SENP5: variants seen among roughly 807,000 people sequenced by gnomAD.
The protein encoded by SENP5 is SUMO specific peptidase 5, also known as sentrin-specific protease 5.
In SENP5, 21 loss-of-function variants were observed where a neutral mutation model predicts 74.2. That is an observed-to-expected ratio of 0.28 (90% CI 0.20 to 0.41). SENP5 has a LOEUF of 0.41. Among genes scored for constraint, SENP5 ranks in the 10% least tolerant of loss-of-function variants. SENP5 has a pLI of 1.00. For synonymous variants in SENP5, 311 were observed against 312.7 expected (o/e 0.99, Z 0.06); for missense variants, 717 against 889.1 (o/e 0.81, Z 2.46).
chr3:196,910,277 C>CATCCTCG (rs1715066912), intron 6 of SENP5, among the ~76,000 whole-genome samples: 1 of 150,682 alleles, frequency 6.6e-6, no homozygotes, highest in Non-Finnish European at 1.5e-5. Flanking sequence ...AAAAATATTC[C>CATCCTCG]ATCCTCGTGG....
chr3:196,892,761 T>C (rs1415257676), intron 2 of SENP5, among the ~76,000 whole-genome samples: 1 of 152,040 alleles, frequency 6.6e-6, no homozygotes, highest in Non-Finnish European at 1.5e-5. Context: ...ATTCTCTACG[T>C]CTATGAGTTT....
intron 7 of SENP5, among the ~76,000 whole-genome samples, chr3:196,927,265 T>C (rs1177223779): frequency 6.6e-6 from 1 of 152,238 alleles, no homozygotes; most frequent in African/African-American, 2.4e-5. Context: ...CTTTCCTCTG[T>C]TGAGCATGGG....
At chr3:196,917,989 T>A (rs985442831) in intron 6 of SENP5, among the ~76,000 whole-genome samples, 1 of 152,112 alleles carries the variant, frequency 6.6e-6, no homozygotes, top group African/African-American at 2.4e-5. Flanking sequence ...ATAATTACAA[T>A]TTTTTAAGCG....
chr3:196,901,141 G>A (rs1714686734), intron 5 of SENP5, among the ~76,000 whole-genome samples: 1 of 150,554 alleles, frequency 6.6e-6, no homozygotes, highest in African/African-American at 2.4e-5. Flanking sequence ...CACCTCCTGG[G>A]TTCAAGCAAT....
At position 196,885,838 on chromosome 3, in the gene SENP5, T is replaced by G. The variant is rs1713939454; in HGVS notation, c.657T>G (p.Leu219=). The G allele has an allele frequency of 6.2e-7, 1 of 1,614,178 alleles. No individual in the cohort carries two copies. The highest frequency in any genetic ancestry group is 8.5e-7 in the Non-Finnish European group (1 of 1,180,018). Residue 219 remains leucine, a synonymous_variant, in exon 2 of 10, where the codon CTT becomes CTG. Transcript: ENST00000323460. ...CCTTGATTCCAAAAAAGTTCCAACT[T>G]AACCAACATAGAAGGATAAAATTAT... ...GGPLIPKKFQ[L]NQHRRIKLSP... is the part of the protein sequence containing the mutation.
intron 2 of SENP5, among the ~76,000 whole-genome samples, chr3:196,898,820 A>G (rs12487121): frequency 6.6e-6 from 1 of 152,188 alleles, no homozygotes; most frequent in South Asian, 2.1e-4. Flanking sequence ...AGACCATTCG[A>G]TGATTGCATT....
chr3:196,903,595 A>T lies in SENP5; in HGVS notation c.1869A>T (p.Lys623Asn). 6.3e-7 allele frequency: 1 copy of T among 1,594,660 alleles called. No homozygotes were observed. Among genetic ancestry groups the T allele is most frequent in the Non-Finnish European group, 8.5e-7 (1 of 1,171,030 alleles). The change falls in exon 6 of 10, where the codon AAA becomes AAT. Residue 623 changes from lysine (K) to asparagine (N), a missense_variant. Physicochemically the swap from Lys to Asn is moderately conservative, Grantham distance 94 (BLOSUM62 0). Transcript: ENST00000323460. ...QLVTKGYNGVKRWTKKVDLFK... is the reference protein window; with the variant it reads ...QLVTKGYNGVNRWTKKVDLFK... ...TAACCAAAGGATATAATGGAGTAAA[A>T]AGATGGACTAAAAAGGTATTCTCTT...
intron 1 of SENP5, among the ~76,000 whole-genome samples, chr3:196,875,046 A>G (rs1560137664): frequency 6.6e-6 from 1 of 152,188 alleles, no homozygotes; most frequent in Non-Finnish European, 1.5e-5. Flanking sequence ...CTTGAACTGT[A>G]TATCTAGCTG....
Position 196,899,785 on chromosome 3 carries a change from G to A in SENP5, c.1619+14G>A, listed in dbSNP as rs1261643538. On this transcript the variant is annotated intron_variant, in intron 3 of 9. Coordinates refer to ENST00000323460, the MANE Select transcript of SENP5 (RefSeq NM_152699.5). ...CTTTTCTAATAGGTATATAAATGAT[G>A]CTAAAGTTAAGCCCTTGAAAATAAA... 1.9e-6 allele frequency: 3 copies of A among 1,556,468 alleles called. No individual in the cohort carries two copies. The highest frequency in any genetic ancestry group is 2.7e-5 in the African/African-American group (2 of 73,294).
intron 6 of SENP5, chr3:196,914,586 A>AAAAAAAAAAAAAAATATATAT: frequency 1.8e-4 from 6 of 33,496 alleles, no homozygotes; most frequent in Admixed American, 3.1e-4. Flanking sequence ...AAAAAAAAAA[A>AAAAAAAAAAAAAAATATATAT]ATATATATAT....
chr3:196,882,022 G>A lies in SENP5; in HGVS notation c.-31-3129G>A, dbSNP rs1037189218. Among the ~76,000 whole-genome samples, 5 of 149,190 alleles carry A rather than the reference G, an allele frequency of 3.4e-5. No homozygotes were observed. The East Asian group carries it at 8.1e-4, about 24-fold the overall frequency. ...AGCAATTCTCGTGTCTCAGCCTCCC[G>A]AGTAGCTGGGATTACAAGCACGTGC... On this transcript the variant is annotated intron_variant, in intron 1 of 9. Transcript: ENST00000323460.
chr3:196,908,101 C>T (rs116172686), intron 6 of SENP5, among the ~76,000 whole-genome samples: 1,716 of 152,056 alleles, frequency 0.011, 30 homozygotes, highest in African/African-American at 0.038. Flanking sequence ...GGCAACCAAG[C>T]GAGACCCCGT....
chr3:196,898,468 C>A (rs980062459), intron 2 of SENP5, among the ~76,000 whole-genome samples: 3 of 151,578 alleles, frequency 2.0e-5, no homozygotes, highest in African/African-American at 7.3e-5. Context: ...GGTGTGGTTT[C>A]ACTTGCCTAT....
At chr3:196,929,540 C>T (rs1715946015) in intron 8 of SENP5, 93 bp from the exon 9 acceptor site, 1 of 750,866 alleles carries the variant, frequency 1.3e-6, no homozygotes. Flanking sequence ...GAAAAGTTTC[C>T]TATCTTTTGC....
At position 196,899,682 on chromosome 3, in the gene SENP5, T is replaced by G. The variant is rs1258387871; in HGVS notation, c.1530T>G (p.Val510=). Residue 510 remains valine (V), a synonymous_variant, in exon 3 of 10, where the codon GTT becomes GTG. Transcript: ENST00000323460. Reference sequence around the variant, plus strand: ...TTATTTAAGGATTCCTAGATGAGGTTATGAAGAAGTATGGCAGTTTGGTTC... The same window carrying G: ...TTATTTAAGGATTCCTAGATGAGGTGATGAAGAAGTATGGCAGTTTGGTTC... ...SVCLSGFLDE[V]MKKYGSLVPL... is the part of the protein sequence containing the mutation. 2 of 1,605,696 alleles carry G rather than the reference T, an allele frequency of 1.2e-6. No homozygotes were observed.
chr3:196,869,390 C>T (rs1317657359), intron 1 of SENP5, among the ~76,000 whole-genome samples: 1 of 151,166 alleles, frequency 6.6e-6, no homozygotes, highest in Non-Finnish European at 1.5e-5. Context: ...TTTTAGTAGA[C>T]ATGGGGTTTC....
At chr3:196,908,316 T>C (rs983059349) in intron 6 of SENP5, among the ~76,000 whole-genome samples, 3 of 151,978 alleles carry the variant, frequency 2.0e-5, no homozygotes. Flanking sequence ...TACAGGAAAG[T>C]TAAACAACCT....
chr3:196,893,179 C>G (rs1251694524), intron 2 of SENP5, among the ~76,000 whole-genome samples: 1 of 152,196 alleles, frequency 6.6e-6, no homozygotes, highest in Non-Finnish European at 1.5e-5. Context: ...TCCCCTTTCT[C>G]CACATTCAAG....
chr3:196,912,215 A>G (rs1715163154), intron 6 of SENP5, among the ~76,000 whole-genome samples: 1 of 152,228 alleles, frequency 6.6e-6, no homozygotes, highest in East Asian at 1.9e-4. Context: ...AATGTGGTAC[A>G]TACGCACCAT....
Sources: gnomAD v4.1 joint callset for allele counts (sites outside exome capture counted in the v4.1 genomes callset) on GRCh38, gnomAD v4.1.1 for gene constraint, MANE v1.5 for transcripts, NCBI Gene and HGNC (gene_info 2026-07-23, HGNC 2026-07-21) for gene names.